Variants in OPRM1 observed in about 807,000 individuals in gnomAD.
OPRM1 encodes the protein mu-type opioid receptor.
Under a neutral mutation model 31.8 loss-of-function variants are expected in OPRM1, and 27 were observed. That is an observed-to-expected ratio of 0.85 (90% CI 0.63 to 1.17). OPRM1 has a LOEUF of 1.17. Ranked by LOEUF, OPRM1 falls within the 50% of genes most tolerant of loss-of-function variation. OPRM1 has a pLI of 0.00. For synonymous variants in OPRM1, 196 were observed against 189.9 expected (o/e 1.03, Z -0.26); for missense variants, 536 against 511.1 (o/e 1.05, Z -0.47).
At chr6:154,014,146 G>C (rs953879608) in intron 1 of OPRM1, among the ~76,000 whole-genome samples, 6 of 152,142 alleles carry the variant, frequency 3.9e-5, no homozygotes, top group Non-Finnish European at 5.9e-5. Context: ...AGGTAAATAA[G>C]TGAGCTACAG....
At chr6:154,188,078 A>G (rs1801539693) in intron 3 of OPRM1, among the ~76,000 whole-genome samples, 1 of 152,248 alleles carries the variant, frequency 6.6e-6, no homozygotes, top group Non-Finnish European at 1.5e-5. Context: ...AAGCAAAACC[A>G]TTATCATTTG....
At chr6:154,078,458 G>A (rs746433625) in intron 1 of OPRM1, among the ~76,000 whole-genome samples, 7 of 152,166 alleles carry the variant, frequency 4.6e-5, no homozygotes, top group Non-Finnish European at 1.0e-4. Context: ...CACAGGGAGA[G>A]CAAATGACTG....
intron 1 of OPRM1, among the ~76,000 whole-genome samples, chr6:154,012,234 A>G (rs1001150165): frequency 2.0e-5 from 3 of 152,202 alleles, no homozygotes; most frequent in African/African-American, 7.2e-5. Flanking sequence ...AGTAAAGCTC[A>G]GTAGAAATAA....
At chr6:154,096,511 A>G (rs1386273099) in intron 3 of OPRM1, among the ~76,000 whole-genome samples, 2 of 152,106 alleles carry the variant, frequency 1.3e-5, no homozygotes, top group Non-Finnish European at 2.9e-5. Flanking sequence ...ATTACTTTCA[A>G]TGGCAAAAAC....
At position 154,124,599 on chromosome 6, in the gene OPRM1, A is replaced by T. The variant is rs1797479666; in HGVS notation, c.*5878A>T. 6.6e-6 allele frequency among the ~76,000 whole-genome samples: 1 copy of T among 152,190 alleles called. No individual in the cohort carries two copies. Among genetic ancestry groups the T allele is most frequent in the Admixed American group, 6.5e-5 (1 of 15,274 alleles). On this transcript the variant is annotated 3_prime_UTR_variant, in exon 4 of 4. Transcript: ENST00000330432. ...TTCCTTTTTGTCTCAATCTCAAAAA[A>T]CAGTAAGTCTTTAATCCATTTGCAT...
At chr6:154,066,076 G>A (rs73014273) in intron 1 of OPRM1, among the ~76,000 whole-genome samples, 20,994 of 151,920 alleles carry the variant, frequency 0.14, 1,545 homozygotes, top group Non-Finnish European at 0.17. Flanking sequence ...ACATTGATTG[G>A]TATTCACATG....
At chr6:154,118,236 T>C (rs537329954) in intron 3 of OPRM1, among the ~76,000 whole-genome samples, 2 of 152,028 alleles carry the variant, frequency 1.3e-5, no homozygotes, top group African/African-American at 2.4e-5. Flanking sequence ...ATTTTGAGAA[T>C]TGGGTAAAAA....
chr6:154,108,791 T>G (rs1457306214), intron 3 of OPRM1: 16 of 985,286 alleles, frequency 1.6e-5, no homozygotes, highest in Middle Eastern at 5.2e-4. Context: ...ACTCCCATCT[T>G]AACAGTTGCA....
intron 3 of OPRM1, among the ~76,000 whole-genome samples, chr6:154,238,961 C>A (rs1412805950): frequency 6.6e-6 from 1 of 151,566 alleles, no homozygotes; most frequent in African/African-American, 2.4e-5. Flanking sequence ...GAAACACCGA[C>A]AAAAGTACTA....
At chr6:154,087,062 C>T in intron 1 of OPRM1, 3 of 984,066 alleles carry the variant, frequency 3.0e-6, no homozygotes, top group Non-Finnish European at 3.6e-6. Flanking sequence ...ATTTTCTCTC[C>T]TCAAGTTAAA....
Position 154,246,051 on chromosome 6 carries a change from G to A in OPRM1, c.1165-642G>A, listed in dbSNP as rs1347817149. Reference sequence around the variant, plus strand: ...CACCAGGGGACAAGAGGTGACAGTCGCCAATGCAAAGCTGGCATAGGGGTT... The same window carrying A: ...CACCAGGGGACAAGAGGTGACAGTCACCAATGCAAAGCTGGCATAGGGGTT... On this transcript the variant is annotated intron_variant, in intron 3 of 3. Transcript: ENST00000337049. Among the ~76,000 whole-genome samples the A allele has an allele frequency of 2.0e-5, 3 of 152,114 alleles. 1 individual carries two copies. The highest frequency in any genetic ancestry group is 3.9e-4 in the East Asian group (2 of 5,190).
chr6:154,223,109 G>T (rs746647742), intron 3 of OPRM1: 8 of 1,282,972 alleles, frequency 6.2e-6, no homozygotes, highest in South Asian at 2.4e-5. Context: ...ATCCCTTGGT[G>T]AACATTATGA....
In OPRM1 at chr6:154,118,952, G is replaced by C. The variant is rs1797154200; in HGVS notation, c.*231G>C. 7.9e-7 allele frequency: 1 copy of C among 1,269,872 alleles called. No individual in the cohort carries two copies. The highest frequency in any genetic ancestry group is 3.8e-5 in the Admixed American group (1 of 26,088). 78.7% of individuals were successfully genotyped at this position (1,269,872 alleles called of 1,614,324 possible). On this transcript the variant is annotated 3_prime_UTR_variant, in exon 4 of 4. Transcript: ENST00000330432. ...TATACCACACCGAGGAGTCCAGTTT[G>C]TGCAAGACACCCAGTGGAACCAAAA...
At position 154,131,945 on chromosome 6, in the gene OPRM1, T is replaced by G. The variant is rs886629912; in HGVS notation, c.*13224T>G. Among the ~76,000 whole-genome samples, 9 of 144,512 alleles carry G rather than the reference T, an allele frequency of 6.2e-5. No individual in the cohort carries two copies. Among genetic ancestry groups the G allele is most frequent in the Non-Finnish European group, 8.9e-5 (6 of 67,370 alleles). The allele number at this position is 144,512 out of a possible 152,430, so 94.8% of individuals were successfully genotyped here. A position where few individuals can be genotyped will look rare whatever the true frequency, so the allele number is the denominator to read the frequency against. On this transcript the variant is annotated 3_prime_UTR_variant, in exon 4 of 4. Transcript: ENST00000330432. ...GGAGTTTTTCTATAAGTTTTTGGTT[T>G]TTTTTTTTTTTTCTCTTCATTAGTG...
chr6:154,136,775 GC>G (rs1288843364), downstream of OPRM1, among the ~76,000 whole-genome samples: 1 of 152,180 alleles, frequency 6.6e-6, no homozygotes, highest in Non-Finnish European at 1.5e-5. Context: ...TGTGGATGGA[GC>G]TGGGATTTGA....
chr6:154,152,324 AAAG>A lies in OPRM1; in HGVS notation c.1164+60855_1164+60857del, dbSNP rs1170414797. On this transcript the variant is annotated intron_variant, in intron 3 of 3. Transcript: ENST00000337049. ...GAAAGAAAGAAAGAAAGAAAGAAAG[AAAG>A]AAAGAAAGAAAGAAAGAAAGGAAAG... Among the ~76,000 whole-genome samples, 17 of 39,956 alleles carry A rather than the reference AAAG, an allele frequency of 4.3e-4. No homozygotes were observed. In the East Asian group the frequency reaches 5.5e-3, roughly 13 times the overall value. The allele number at this position is 39,956 out of a possible 152,430, so 26.2% of individuals were successfully genotyped here.
chr6:154,238,456 G>C (rs751757065), intron 3 of OPRM1, among the ~76,000 whole-genome samples: 1 of 152,074 alleles, frequency 6.6e-6, no homozygotes, highest in South Asian at 2.1e-4. Context: ...AATACAGACA[G>C]GGTTTCTCCA....
chr6:154,076,089 T>C (rs1787836813), intron 1 of OPRM1, among the ~76,000 whole-genome samples: 1 of 152,268 alleles, frequency 6.6e-6, no homozygotes, highest in South Asian at 2.1e-4. Context: ...TGTATTTTCC[T>C]GTATTGTGTA....
chr6:154,199,842 G>A, intron 3 of OPRM1: 1 of 1,614,170 alleles, frequency 6.2e-7, no homozygotes, highest in Non-Finnish European at 8.5e-7. Context: ...ACAGGTGAAT[G>A]AACTTGCACA....
Sources: gnomAD v4.1 joint callset for allele counts (sites outside exome capture counted in the v4.1 genomes callset) on GRCh38, gnomAD v4.1.1 for gene constraint, MANE v1.5 for transcripts, NCBI Gene and HGNC (gene_info 2026-07-23, HGNC 2026-07-21) for gene names.